PDK1: variants seen among roughly 807,000 people sequenced by gnomAD.
The protein encoded by PDK1 is pyruvate dehydrogenase kinase 1.
A neutral mutation model predicts 54.2 loss-of-function variants in PDK1; 39 were observed. That is an observed-to-expected ratio of 0.72 (90% confidence interval 0.56 to 0.94). The LOEUF (loss-of-function observed/expected upper bound fraction) is 0.94. Among genes scored for constraint, PDK1 ranks in the 40% least tolerant of loss-of-function variants. The probability of loss-of-function intolerance (pLI) is 0.00; values close to 1 mark genes in which losing one functional copy is unlikely to be tolerated. For missense variants in PDK1, 552 were observed against 566.0 expected, an observed-to-expected ratio of 0.98 and a Z score of 0.25; for synonymous variants, 221 against 207.1, an observed-to-expected ratio of 1.07 and a Z score of -0.58.
chr2:172,681,918 C>T, the PDK1 span, among the ~76,000 whole-genome samples: 2 of 152,070 alleles, frequency 1.3e-5, no homozygotes, highest in African/African-American at 4.8e-5. Flanking sequence ...CCACCACACC[C>T]GGCTAATTTT....
the PDK1 span, chr2:172,674,575 C>T: frequency 2.6e-5 from 4 of 152,360 alleles, no homozygotes; most frequent in East Asian, 7.7e-4. Flanking sequence ...TCCGCCTCCT[C>T]CTCAGGACGC....
chr2:172,561,989 A>G (rs550276320), intron 2 of PDK1, among the ~76,000 whole-genome samples: 9 of 152,054 alleles, frequency 5.9e-5, no homozygotes, highest in African/African-American at 1.9e-4. Flanking sequence ...AAATCTTAAA[A>G]TTCTTAAATT....
At chr2:172,635,070 T>C in the PDK1 span, among the ~76,000 whole-genome samples, 1 of 152,196 alleles carries the variant, frequency 6.6e-6, no homozygotes, top group South Asian at 2.1e-4. Context: ...TCTCACTATA[T>C]GTGTTTAAGT....
chr2:172,707,268 C>G, the PDK1 span, among the ~76,000 whole-genome samples: 3 of 152,102 alleles, frequency 2.0e-5, no homozygotes, highest in African/African-American at 7.2e-5. Flanking sequence ...CAGATTCCAC[C>G]CTGGGAGCGG....
the PDK1 span, among the ~76,000 whole-genome samples, chr2:172,616,139 C>T: frequency 1.3e-5 from 2 of 152,176 alleles, no homozygotes; most frequent in South Asian, 2.1e-4. Flanking sequence ...TGTGAACTCT[C>T]ATACATTATA....
chr2:172,690,862 A>C, the PDK1 span, among the ~76,000 whole-genome samples: 1 of 103,868 alleles, frequency 9.6e-6, no homozygotes, highest in East Asian at 3.4e-4. Flanking sequence ...GGGGGTGGGG[A>C]GCTGGGGGAG....
At chr2:172,613,897 C>A in the PDK1 span, among the ~76,000 whole-genome samples, 1 of 152,044 alleles carries the variant, frequency 6.6e-6, no homozygotes, top group Non-Finnish European at 1.5e-5. Context: ...CTCCTGGGCT[C>A]CTCAAACTGC....
the PDK1 span, among the ~76,000 whole-genome samples, chr2:172,617,158 G>T: frequency 6.6e-6 from 1 of 151,896 alleles, no homozygotes; most frequent in Admixed American, 6.6e-5. Context: ...TCACCATGTT[G>T]GCCAGGCTGG....
At chr2:172,662,493 C>CATGTGTGTGTGT in the PDK1 span, among the ~76,000 whole-genome samples, 1 of 143,500 alleles carries the variant, frequency 7.0e-6, no homozygotes, top group African/African-American at 2.6e-5. Flanking sequence ...TTTTTAAAAT[C>CATGTGTGTGTGT]GTGTGTGTGT....
At chr2:172,563,637 C>T (rs148858002) in intron 3 of PDK1, among the ~76,000 whole-genome samples, 2,476 of 152,232 alleles carry the variant, frequency 0.016, 61 homozygotes, top group African/African-American at 0.055. Flanking sequence ...AGTTCGAGAC[C>T]AGCCTGACCA....
the PDK1 span, among the ~76,000 whole-genome samples, chr2:172,632,979 T>TTAAAAAAAAAA: frequency 8.0e-5 from 1 of 12,474 alleles, no homozygotes. Flanking sequence ...AGATTCTGTC[T>TTAAAAAAAAAA]CAAAAAAAAA....
chr2:172,633,867 A>ATTTTTTTTTTTTTTTTTTT, the PDK1 span, among the ~76,000 whole-genome samples: 4 of 68,834 alleles, frequency 5.8e-5, 1 homozygote, highest in Non-Finnish European at 7.2e-5. Flanking sequence ...TTAGTCTATG[A>ATTTTTTTTTTTTTTTTTTT]TTTTTTTTTT....
the PDK1 span, among the ~76,000 whole-genome samples, chr2:172,713,343 A>C: frequency 6.6e-6 from 1 of 152,258 alleles, no homozygotes; most frequent in South Asian, 2.1e-4. Flanking sequence ...CCTGGTCCCC[A>C]GGCTTCAGGT....
At chr2:172,700,231 C>T in the PDK1 span, among the ~76,000 whole-genome samples, 7 of 152,164 alleles carry the variant, frequency 4.6e-5, no homozygotes, top group East Asian at 1.9e-4. Context: ...TCGACAAAAC[C>T]GCCATCGTCA....
At chr2:172,589,247 A>G (rs570030330) in intron 9 of PDK1, among the ~76,000 whole-genome samples, 1 of 152,362 alleles carries the variant, frequency 6.6e-6, no homozygotes, top group East Asian at 1.9e-4. Context: ...CAGAGTCACA[A>G]CAGGAAAGAG....
chr2:172,620,333 A>C, the PDK1 span, among the ~76,000 whole-genome samples: 3 of 152,200 alleles, frequency 2.0e-5, no homozygotes, highest in Non-Finnish European at 4.4e-5. Flanking sequence ...GTAGATTTAT[A>C]ATACAGTGAA....
chr2:172,632,848 C>T, the PDK1 span, among the ~76,000 whole-genome samples: 73 of 151,436 alleles, frequency 4.8e-4, no homozygotes, highest in African/African-American at 1.6e-3. Flanking sequence ...GGTGTGGTGG[C>T]GCGCACCTGT....
At chr2:172,624,272 C>T in the PDK1 span, among the ~76,000 whole-genome samples, 1 of 151,994 alleles carries the variant, frequency 6.6e-6, no homozygotes, top group Non-Finnish European at 1.5e-5. Context: ...GTTCCCCAGC[C>T]CCTGGGGCCC....
At chr2:172,574,264 T>C (rs972853893) in intron 8 of PDK1, among the ~76,000 whole-genome samples, 2 of 152,234 alleles carry the variant, frequency 1.3e-5, no homozygotes, top group Middle Eastern at 3.2e-3. Context: ...TATTTCTGGA[T>C]TTTCAGTTCT....
Sources: gnomAD v4.1 joint callset for allele counts (sites outside exome capture counted in the v4.1 genomes callset) on GRCh38, gnomAD v4.1.1 for gene constraint, MANE v1.5 for transcripts, NCBI Gene and HGNC (gene_info 2026-07-23, HGNC 2026-07-21) for gene names.